The following DACH2 variants were observed in gnomAD, a reference collection of about 807,000 sequenced individuals.
DACH2 encodes the protein dachshund family transcription factor 2, also known as dachshund homolog 2.
In DACH2, 17 loss-of-function variants were observed where a neutral mutation model predicts 35.8. The observed-to-expected ratio is 0.48, with a 90% CI of 0.33 to 0.71. The LOEUF is 0.71. Ranked by LOEUF, DACH2 falls within the 30% of genes least tolerant of loss-of-function variation. The pLI, the probability that DACH2 is intolerant of heterozygous loss-of-function variation, is 0.02. For missense variants in DACH2, 469 were observed against 472.7 expected, an observed-to-expected ratio of 0.99 and a Z score of 0.07; for synonymous variants, 195 against 177.3, an observed-to-expected ratio of 1.10 and a Z score of -0.79.
intron 1 of DACH2, among the ~76,000 whole-genome samples, chrX:86,338,131 C>A (rs779198334): frequency 9.0e-6 from 1 of 111,417 alleles, no homozygotes; most frequent in Non-Finnish European, 1.9e-5. Context: ...ACTTTAACAT[C>A]CCACTGTAAG....
intron 1 of DACH2, among the ~76,000 whole-genome samples, chrX:86,238,762 A>G (rs2033106580): frequency 9.0e-6 from 1 of 111,414 alleles, no homozygotes; most frequent in African/African-American, 3.3e-5. Context: ...AAATTAATAC[A>G]AATAAAAGCT....
chrX:86,630,091 T>C (rs1437887430), intron 3 of DACH2, among the ~76,000 whole-genome samples: 1 of 111,237 alleles, frequency 9.0e-6, no homozygotes, highest in Admixed American at 9.6e-5. Context: ...TAGTGCAGCA[T>C]TTCTCAAACT....
intron 2 of DACH2, among the ~76,000 whole-genome samples, chrX:86,423,033 G>A (rs1054325619): frequency 9.0e-6 from 1 of 111,512 alleles, no homozygotes; most frequent in Non-Finnish European, 1.9e-5. Context: ...GTACTGCATT[G>A]TGCATATGTA....
chrX:86,630,463 T>C (rs1367509539), intron 3 of DACH2, among the ~76,000 whole-genome samples: 1 of 109,758 alleles, frequency 9.1e-6, no homozygotes, highest in African/African-American at 3.3e-5. Flanking sequence ...TGGCATATGA[T>C]AAGTGCTAGG....
At chrX:86,199,960 T>A (rs1259655081) in intron 1 of DACH2, among the ~76,000 whole-genome samples, 2 of 112,270 alleles carry the variant, frequency 1.8e-5, no homozygotes, top group Admixed American at 1.9e-4. Context: ...AAAATTCATA[T>A]GCAACCAAAA....
At chrX:86,432,212 G>T (rs1314699109) in intron 2 of DACH2, among the ~76,000 whole-genome samples, 4 of 112,278 alleles carry the variant, frequency 3.6e-5, no homozygotes, top group African/African-American at 1.3e-4. Context: ...TCTTGGAATG[G>T]TTTGAGCAAC....
intron 7 of DACH2, among the ~76,000 whole-genome samples, chrX:86,782,341 C>T (rs866222357): frequency 9.0e-5 from 10 of 111,582 alleles, no homozygotes; most frequent in Admixed American, 1.9e-4. Context: ...ACACAATCCT[C>T]AAATTTATAT....
chrX:86,566,402 C>T lies in DACH2; in HGVS notation c.640+52011C>T, dbSNP rs919880940. On this transcript the variant is annotated intron_variant, in intron 3 of 11. Transcript: ENST00000373125. ...TGGGCTTTTAATGCATTCTTTAGAA[C>T]GAGAGTGACTTTTGAGGGGAGTTCT... Among the ~76,000 whole-genome samples, 41 of 111,201 alleles carry T rather than the reference C, an allele frequency of 3.7e-4. 1 individual carries two copies. The highest frequency in any genetic ancestry group is 2.5e-3 in the Admixed American group (26 of 10,413).
intron 1 of DACH2, among the ~76,000 whole-genome samples, chrX:86,152,939 T>A (rs2030415745): frequency 8.9e-6 from 1 of 111,824 alleles, no homozygotes; most frequent in African/African-American, 3.2e-5. Flanking sequence ...AATAGATTTT[T>A]CTTACTAAAT....
chrX:86,262,230 A>G (rs1168259819), intron 1 of DACH2, among the ~76,000 whole-genome samples: 1 of 110,991 alleles, frequency 9.0e-6, no homozygotes, highest in Admixed American at 9.6e-5. Flanking sequence ...TGAGGCTTCC[A>G]TGAGCCATGA....
At chrX:86,791,408 A>T (rs2042185695) in intron 7 of DACH2, among the ~76,000 whole-genome samples, 2 of 111,966 alleles carry the variant, frequency 1.8e-5, no homozygotes. Context: ...TATTCATTTG[A>T]TAAGCAGTGA....
chrX:86,395,307 T>C (rs919697440), intron 2 of DACH2, among the ~76,000 whole-genome samples: 1 of 111,793 alleles, frequency 8.9e-6, no homozygotes, highest in African/African-American at 3.2e-5. Flanking sequence ...ACATAATTAA[T>C]GAAGTTATTT....
chrX:86,469,573 C>T (rs1451671451), intron 2 of DACH2, among the ~76,000 whole-genome samples: 1 of 110,716 alleles, frequency 9.0e-6, no homozygotes, highest in Non-Finnish European at 1.9e-5. Context: ...CTAGTCCACA[C>T]GGTTTACAGG....
intron 3 of DACH2, among the ~76,000 whole-genome samples, chrX:86,587,912 C>T (rs1447105587): frequency 9.0e-6 from 1 of 111,561 alleles, no homozygotes; most frequent in African/African-American, 3.2e-5. Context: ...CTTGAAATTG[C>T]TTTTGAGGAT....
chrX:86,422,413 A>G, intron 2 of DACH2, among the ~76,000 whole-genome samples: 1 of 110,766 alleles, frequency 9.0e-6, no homozygotes, highest in African/African-American at 3.3e-5. Flanking sequence ...AGCATTGCCA[A>G]TTTTGGAACC....
intron 1 of DACH2, among the ~76,000 whole-genome samples, chrX:86,288,962 C>G: frequency 9.0e-6 from 1 of 110,923 alleles, no homozygotes; most frequent in South Asian, 3.9e-4. Flanking sequence ...AGGAGTCTTG[C>G]CCTGTAGCCA....
At chrX:86,580,462 A>G (rs1418948796) in intron 3 of DACH2, among the ~76,000 whole-genome samples, 3 of 112,054 alleles carry the variant, frequency 2.7e-5, no homozygotes, top group Non-Finnish European at 3.8e-5. Flanking sequence ...GATAAAATTG[A>G]AACCCAATTC....
At chrX:86,588,063 A>T (rs911557555) in intron 3 of DACH2, among the ~76,000 whole-genome samples, 1 of 111,382 alleles carries the variant, frequency 9.0e-6, no homozygotes, top group Non-Finnish European at 1.9e-5. Flanking sequence ...AAAGGTAGGG[A>T]TCTAGTTTCA....
intron 11 of DACH2, chrX:86,827,879 A>G: frequency 1.1e-6 from 1 of 899,071 alleles, no homozygotes; most frequent in Non-Finnish European, 1.6e-6. Flanking sequence ...AAATCCTTAA[A>G]ATATGGAACC....
Sources: allele counts gnomAD v4.1 joint callset (sites outside exome capture counted in the v4.1 genomes callset), GRCh38; gene constraint gnomAD v4.1.1; transcripts MANE v1.5; gene names NCBI Gene and HGNC (gene_info 2026-07-23, HGNC 2026-07-21).